Variants in RBMS3 observed in about 807,000 individuals in gnomAD.
The protein encoded by RBMS3 is RNA binding motif single stranded interacting protein 3, also known as RNA-binding motif, single-stranded-interacting protein 3.
Under a neutral mutation model 66.8 loss-of-function variants are expected in RBMS3, and 27 were observed. The ratio of observed to expected loss-of-function variants is 0.40; its 90% CI spans 0.30 to 0.56. The LOEUF (loss-of-function observed/expected upper bound fraction) is 0.56. Ranked by LOEUF, RBMS3 falls within the 20% of genes least tolerant of loss-of-function variation. The probability of loss-of-function intolerance (pLI) is 0.40; values close to 1 mark genes in which losing one functional copy is unlikely to be tolerated. For synonymous variants in RBMS3, 188 were observed against 183.0 expected, an observed-to-expected ratio of 1.03 and a Z score of -0.22; for missense variants, 513 against 549.5, an observed-to-expected ratio of 0.93 and a Z score of 0.66.
At chr3:29,377,517 TTCTC>T (rs1375425307) in intron 1 of RBMS3, among the ~76,000 whole-genome samples, 1 of 152,206 alleles carries the variant, frequency 6.6e-6, no homozygotes, top group African/African-American at 2.4e-5. Flanking sequence ...TGCGTCCACT[TTCTC>T]TGTGAATCTT....
chr3:29,900,649 G>T (rs972308656), intron 10 of RBMS3, among the ~76,000 whole-genome samples: 4 of 151,734 alleles, frequency 2.6e-5, no homozygotes. Context: ...ACTCTTCTGG[G>T]TATGCTCTCT....
chr3:29,430,685 T>G lies in RBMS3; in HGVS notation c.76-4058T>G, dbSNP rs1017864031. 3.9e-5 allele frequency among the ~76,000 whole-genome samples: 6 copies of G among 152,222 alleles called. No individual in the cohort carries two copies. The South Asian group carries it at 1.2e-3, about 32-fold the overall frequency. ...CATCCTGTAGCTGGTGCTTTCTTAT[T>G]TGATTAGTCAAGGACTCAGTCTGAA... is the stretch of plus-strand genomic sequence containing the variant. On this transcript the variant is annotated intron_variant, in intron 1 of 14. Transcript: ENST00000383767.
chr3:29,318,240 T>G (rs1263042850), intron 1 of RBMS3, among the ~76,000 whole-genome samples: 1 of 151,880 alleles, frequency 6.6e-6, no homozygotes, highest in East Asian at 1.9e-4. Flanking sequence ...AATATTTTTG[T>G]GGGCTAAGTT....
At chr3:29,655,637 T>C (rs2149219808) in intron 4 of RBMS3, among the ~76,000 whole-genome samples, 1 of 152,326 alleles carries the variant, frequency 6.6e-6, no homozygotes, top group East Asian at 1.9e-4. Context: ...TGGTACATAA[T>C]GCTAATCATG....
chr3:29,889,781 C>A (rs2059956470), intron 8 of RBMS3, among the ~76,000 whole-genome samples: 1 of 151,574 alleles, frequency 6.6e-6, no homozygotes, highest in African/African-American at 2.4e-5. Flanking sequence ...ACTGTTTAAC[C>A]CAGTATTGTG....
At chr3:29,678,700 G>T (rs1245408033) in intron 4 of RBMS3, among the ~76,000 whole-genome samples, 1 of 152,084 alleles carries the variant, frequency 6.6e-6, no homozygotes, top group African/African-American at 2.4e-5. Flanking sequence ...ACCCAAGAAA[G>T]AGATAGTATA....
rs150937845 is a variant in RBMS3, at chr3:29,802,806, A to C, written c.637+39817A>C. 1.6e-4 allele frequency among the ~76,000 whole-genome samples: 25 copies of C among 152,304 alleles called. No individual in the cohort carries two copies. The East Asian group carries it at 4.0e-3, about 25-fold the overall frequency. Reference sequence around the variant, plus strand: ...AGGGCAGTCTGATATAAATGAAAAAATTAACTAGCATCCGGTGTAGTTGTA... The same window carrying C: ...AGGGCAGTCTGATATAAATGAAAAACTTAACTAGCATCCGGTGTAGTTGTA... On this transcript the variant is annotated intron_variant, in intron 6 of 14. Transcript: ENST00000383767.
intron 3 of RBMS3, among the ~76,000 whole-genome samples, chr3:29,544,525 G>A (rs1344232378): frequency 6.6e-6 from 1 of 152,044 alleles, no homozygotes; most frequent in African/African-American, 2.4e-5. Flanking sequence ...GAAAGTAATT[G>A]TTAAATGTTA....
intron 1 of RBMS3, among the ~76,000 whole-genome samples, chr3:29,369,644 A>G (rs2038092629): frequency 6.6e-6 from 1 of 152,056 alleles, no homozygotes; most frequent in African/African-American, 2.4e-5. Context: ...AACATCAAGG[A>G]AAGAGGGAAT....
intron 1 of RBMS3, among the ~76,000 whole-genome samples, chr3:29,317,933 G>C (rs1431999921): frequency 2.0e-5 from 3 of 151,734 alleles, no homozygotes; most frequent in African/African-American, 4.8e-5. Context: ...CCTCTTTATA[G>C]TTGAACTTCA....
At chr3:29,818,419 A>G (rs957112010) in intron 6 of RBMS3, among the ~76,000 whole-genome samples, 6 of 151,556 alleles carry the variant, frequency 4.0e-5, no homozygotes, top group Admixed American at 3.9e-4. Context: ...TCAATAATTT[A>G]TATAATTTTT....
chr3:29,728,926 G>A (rs2054002473), intron 4 of RBMS3, among the ~76,000 whole-genome samples: 1 of 152,028 alleles, frequency 6.6e-6, no homozygotes, highest in South Asian at 2.1e-4. Context: ...AAGCAAAACA[G>A]CACACAAGAG....
intron 6 of RBMS3, among the ~76,000 whole-genome samples, chr3:29,843,212 C>G (rs1444656331): frequency 1.3e-5 from 2 of 152,154 alleles, no homozygotes; most frequent in African/African-American, 4.8e-5. Context: ...AACTCAAGGT[C>G]TTTTCTGTTT....
intron 3 of RBMS3, among the ~76,000 whole-genome samples, chr3:29,583,682 ACT>A (rs887444389): frequency 6.6e-6 from 1 of 151,684 alleles, no homozygotes; most frequent in Non-Finnish European, 1.5e-5. Context: ...CCACCCTTCT[ACT>A]CTCTCAGGAA....
In RBMS3 at chr3:29,448,423, G is replaced by A. The variant is rs140911260; in HGVS notation, c.248+13508G>A. On this transcript the variant is annotated intron_variant, in intron 2 of 14. Transcript: ENST00000383767. ...TTTGAGCAGAAAGGGATTTGCTGTC[G>A]GTCTTTAAATAAACAGTTCTTTGTT... 1.3e-3 allele frequency among the ~76,000 whole-genome samples: 195 copies of A among 152,244 alleles called. 2 individuals carry two copies. Among genetic ancestry groups the A allele is most frequent in the East Asian group, 4.6e-3 (24 of 5,190 alleles).
chr3:29,444,206 T>A (rs1200642656), intron 2 of RBMS3, among the ~76,000 whole-genome samples: 2 of 116,316 alleles, frequency 1.7e-5, no homozygotes, highest in African/African-American at 3.3e-5. Context: ...CTACAGACTG[T>A]TCTAAGTATT....
At chr3:29,478,334 T>G (rs971813605) in intron 2 of RBMS3, among the ~76,000 whole-genome samples, 1 of 152,116 alleles carries the variant, frequency 6.6e-6, no homozygotes, top group African/African-American at 2.4e-5. Flanking sequence ...AGCTGGTTCA[T>G]TGTCTAATGA....
chr3:29,560,157 A>G (rs2046498617), intron 3 of RBMS3, among the ~76,000 whole-genome samples: 1 of 152,224 alleles, frequency 6.6e-6, no homozygotes, highest in African/African-American at 2.4e-5. Context: ...TTACAGAAAC[A>G]TACAAATACC....
At position 29,699,829 on chromosome 3, in the gene RBMS3, C is replaced by T. The variant is rs148738984; in HGVS notation, c.400-39891C>T. ...CCACAGTGCACATGTACCTACATTA[C>T]CTGTCTGTGTAACCTCCTTCAGATT... On this transcript the variant is annotated intron_variant, in intron 4 of 14. Coordinates refer to ENST00000383767, the MANE Select transcript of RBMS3 (RefSeq NM_001003793.3). 2.2e-4 allele frequency among the ~76,000 whole-genome samples: 34 copies of T among 152,286 alleles called. No homozygotes were observed. In the East Asian group the frequency reaches 4.8e-3, roughly 22 times the overall value.
Sources: allele counts gnomAD v4.1 joint callset (sites outside exome capture counted in the v4.1 genomes callset), GRCh38; gene constraint gnomAD v4.1.1; transcripts MANE v1.5; gene names NCBI Gene and HGNC (gene_info 2026-07-23, HGNC 2026-07-21).